COL11A2: variants seen among roughly 807,000 people sequenced by gnomAD.
The protein encoded by COL11A2 is collagen type XI alpha 2 chain.
Under a neutral mutation model 273.4 loss-of-function variants are expected in COL11A2, and 116 were observed. That is an observed-to-expected ratio of 0.42 (90% CI 0.36 to 0.49). The LOEUF is 0.49. Ranked by LOEUF, COL11A2 falls within the 20% of genes least tolerant of loss-of-function variation. The probability of loss-of-function intolerance (pLI) is 0.00; values close to 1 mark genes in which losing one functional copy is unlikely to be tolerated. For missense variants in COL11A2, 1,866 were observed against 2,309.0 expected (o/e 0.81, Z 3.93); for synonymous variants, 782 against 864.2 (o/e 0.90, Z 1.67).
chr6:33,168,640 C>T lies in COL11A2; in HGVS notation c.3906+66G>A, dbSNP rs1354450355. The T allele has an allele frequency of 1.0e-5, 16 of 1,600,862 alleles. No individual in the cohort carries two copies. The East Asian group carries it at 3.6e-4, about 36-fold the overall frequency. On this transcript the variant is annotated intron_variant, in intron 53 of 65. Transcript: ENST00000341947. ...GCCAAGGGACCCCTCAGGAGTGGGG[C>T]ACAGAAGAGGGGTAAAGAGGATGAG...
Position 33,164,336 on chromosome 6 carries a change from A to C in COL11A2, c.5001T>G (p.Arg1667=), listed in dbSNP as rs374731658. ...GAARDGPLRL[R]GANEDELSPE... ...GGCTCAGCTCATCCTCATTGGCCCC[A>C]CGGAGTCTCAGGGGACCGTCACGGG... The change falls in exon 65 of 66, where the codon CGT becomes CGG. Residue 1667 remains arginine, a synonymous_variant. Coordinates refer to ENST00000341947, the MANE Select transcript of COL11A2 (RefSeq NM_080680.3). The surrounding 1 kb of genome is among the most constrained non-coding windows in gnomAD (Gnocchi z 4.7). 6.2e-6 allele frequency: 10 copies of C among 1,612,858 alleles called. No homozygotes were observed. In the South Asian group the frequency reaches 8.8e-5, roughly 14 times the overall value.
rs201756917 is a variant in COL11A2 at position 33,173,481 on chromosome 6, C to T, written c.2682+21G>A. 10 of 1,611,964 alleles carry T rather than the reference C, an allele frequency of 6.2e-6. No individual in the cohort carries two copies. Among genetic ancestry groups the T allele is most frequent in the Middle Eastern group, 1.7e-4 (1 of 6,056 alleles). ...AAGGACTCAGAGAAGCGAGGTGGGT[C>T]AGAGCTCGGGGTCAACTTACCGGGG... On this transcript the variant is annotated intron_variant, in intron 36 of 65. Coordinates refer to ENST00000341947, the MANE Select transcript of COL11A2 (RefSeq NM_080680.3). This position sits in a 1 kb window ranked among gnomAD's most constrained non-coding sequence, Gnocchi z 6.3.
At chr6:33,175,769 A>G in intron 29 of COL11A2, 88 bp from the exon 30 acceptor site, 2 of 1,315,574 alleles carry the variant, frequency 1.5e-6, no homozygotes, top group Non-Finnish European at 2.2e-6. Flanking sequence ...GAGGCTGAGG[A>G]GGGCTAGAGG....
Position 33,186,811 on chromosome 6 carries a change from A to T in COL11A2, c.614T>A (p.Val205Asp). Residue 205 changes from valine (V) to aspartate (D), a missense_variant, in exon 5 of 66, where the codon GTC becomes GAC. Physicochemically the swap from Val to Asp is radical, Grantham distance 152. Coordinates refer to ENST00000341947, the MANE Select transcript of COL11A2 (RefSeq NM_080680.3). Reference protein sequence around the residue: ...ILDEEVFEGDVQELAIVPGVQ... With the variant: ...ILDEEVFEGDDQELAIVPGVQ... The stretch of plus-strand genomic sequence containing the variant: ...CCCTGGGACAATGGCCAGCTCCTGG[A>T]CATCACCCTGCAAAGACATGAGAGA... 1 of 1,614,006 alleles carries T rather than the reference A, an allele frequency of 6.2e-7. No individual in the cohort carries two copies. The highest frequency in any genetic ancestry group is 8.5e-7 in the Non-Finnish European group (1 of 1,180,004).
At position 33,171,128 on chromosome 6, in the gene COL11A2, G is replaced by T. The variant is rs369849667; in HGVS notation, c.3352C>A (p.Gln1118Lys). 10 of 1,588,470 alleles carry T rather than the reference G, an allele frequency of 6.3e-6. No individual in the cohort carries two copies. In the African/African-American group the frequency reaches 1.2e-4, roughly 19 times the overall value. The change falls in exon 45 of 66, where the codon CAG (glutamine) becomes AAG (lysine). Residue 1118 changes from glutamine (Q) to lysine (K), a missense_variant. Coordinates refer to ENST00000341947, the MANE Select transcript of COL11A2 (RefSeq NM_080680.3). ...GPPGPIGPVG[Q>K]PGAAGADGEP... ...GGGTCACTCACCGCTGCTCCAGGCT[G>T]CCCCACAGGACCAATGGGTCCAGGG...
In COL11A2 at chr6:33,176,674, G is replaced by A; in HGVS notation, c.2115+47C>T. The A allele has an allele frequency of 6.4e-7, 1 of 1,571,986 alleles. No individual in the cohort carries two copies. Among genetic ancestry groups the A allele is most frequent in the East Asian group, 2.2e-5 (1 of 44,538 alleles). ...ATCCCAAGGACTTTGAGGCTCTAGA[G>A]TCTGAGTGGAGACTCCCTCAGGGGA... is the stretch of plus-strand genomic sequence containing the variant. On this transcript the variant is annotated intron_variant, in intron 26 of 65. Coordinates refer to ENST00000341947, the MANE Select transcript of COL11A2 (RefSeq NM_080680.3). The surrounding 1 kb of genome is among the most constrained non-coding windows in gnomAD (Gnocchi z 4.9).
Position 33,179,478 on chromosome 6 carries a change from G to A in COL11A2, c.1456C>T (p.Arg486Cys), listed in dbSNP as rs1353213633. ...TATCCCATGGGGCCAGGGGGTCCACGGAGCGCCAGCTAGGGGAGCAGGGGG... is the reference window on the plus strand; with the variant it reads ...TATCCCATGGGGCCAGGGGGTCCACAGAGCGCCAGCTAGGGGAGCAGGGGG... ...AILQQARLAL[R>C]GPPGPMGYTG... The change falls in exon 14 of 66, where the codon CGT becomes TGT. Residue 486 changes from arginine (R) to cysteine (C), a missense_variant. Arg to Cys is a radical substitution (Grantham distance 180, BLOSUM62 -3). Coordinates refer to ENST00000341947, the MANE Select transcript of COL11A2 (RefSeq NM_080680.3). The surrounding 1 kb of genome is among the most constrained non-coding windows in gnomAD (Gnocchi z 6.4). 3.8e-6 allele frequency: 6 copies of A among 1,563,624 alleles called. No individual in the cohort carries two copies. Among genetic ancestry groups the A allele is most frequent in the Middle Eastern group, 1.7e-4 (1 of 6,006 alleles).
chr6:33,168,902 C>CT lies in COL11A2; in HGVS notation c.3852+52_3852+53insA, dbSNP rs1379982006. On this transcript the variant is annotated intron_variant, in intron 52 of 65. Transcript: ENST00000341947. Reference sequence around the variant, plus strand: ...AGCCCAGCGGCCACACAGAGGACCCCCCCATAGAAGCCCCACCCTTTTTGC... The same window carrying CT: ...AGCCCAGCGGCCACACAGAGGACCCCTCCCATAGAAGCCCCACCCTTTTTGC... The CT allele has an allele frequency of 2.1e-5, 34 of 1,600,954 alleles. 2 individuals carry two copies. The highest frequency in any genetic ancestry group is 3.3e-4 in the Middle Eastern group (2 of 6,048).
In COL11A2 at chr6:33,165,526, T is replaced by G; in HGVS notation, c.4750+23A>C. 1 of 1,610,268 alleles carries G rather than the reference T, an allele frequency of 6.2e-7. No homozygotes were observed. The highest frequency in any genetic ancestry group is 1.1e-5 in the South Asian group (1 of 91,042). On this transcript the variant is annotated intron_variant, in intron 63 of 65. Coordinates refer to ENST00000341947, the MANE Select transcript of COL11A2 (RefSeq NM_080680.3). The surrounding 1 kb of genome is among the most constrained non-coding windows in gnomAD (Gnocchi z 7.7). ...ACCCATGCTGTTGGGGAGATGTTTG[T>G]GCACCCTGAGGCTAGCACTGACCAT...
Position 33,181,016 on chromosome 6 carries a change from AAAGGTTAAAAATCAGAGGCG to A in COL11A2, c.1180-31_1180-12del, listed in dbSNP as rs1771661852. ...CTCCACGAGCATACCCTGTGGAGTC[AAAGGTTAAAAATCAGAGGCG>A]ACAGGACCAGCACACTCAACCCCAC... On this transcript the variant is annotated splice_polypyrimidine_tract_variant and intron_variant, in intron 9 of 65. Coordinates refer to ENST00000341947, the MANE Select transcript of COL11A2 (RefSeq NM_080680.3). 8.1e-6 allele frequency: 13 copies of A among 1,614,178 alleles called. 1 individual carries two copies. The South Asian group carries it at 1.3e-4, about 16-fold the overall frequency.
chr6:33,185,599 GC>G, intron 6 of COL11A2, 101 bp downstream of exon 6: 1 of 530,662 alleles, frequency 1.9e-6, no homozygotes, highest in South Asian at 1.4e-5. Flanking sequence ...AACACACTGT[GC>G]CTCTCCCCAC....
chr6:33,173,824 T>C lies in COL11A2; in HGVS notation c.2583+49A>G, dbSNP rs750215025. The C allele has an allele frequency of 6.2e-7, 1 of 1,612,084 alleles. No individual in the cohort carries two copies. The highest frequency in any genetic ancestry group is 8.5e-7 in the Non-Finnish European group (1 of 1,178,470). On this transcript the variant is annotated intron_variant, in intron 34 of 65. Coordinates refer to ENST00000341947, the MANE Select transcript of COL11A2 (RefSeq NM_080680.3). This position sits in a 1 kb window ranked among gnomAD's most constrained non-coding sequence, Gnocchi z 6.3. ...CGAGGTCAGGATGTTGAGGGAGAGC[T>C]GGGGCTGAGTGGGCAGGGGGCAGTT...
rs1243013147 is a variant in COL11A2 at position 33,176,687 on chromosome 6, C to A, written c.2115+34G>T. 5.0e-6 allele frequency: 8 copies of A among 1,600,388 alleles called. No individual in the cohort carries two copies. Among genetic ancestry groups the A allele is most frequent in the Non-Finnish European group, 6.8e-6 (8 of 1,169,406 alleles). ...TGAGGCTCTAGAGTCTGAGTGGAGA[C>A]TCCCTCAGGGGATAAAGACATGGAA... On this transcript the variant is annotated intron_variant, in intron 26 of 65. Transcript: ENST00000341947. This position sits in a 1 kb window ranked among gnomAD's most constrained non-coding sequence, Gnocchi z 4.9.
Position 33,181,135 on chromosome 6 carries a change from T to C in COL11A2, c.1155A>G (p.Lys385=), listed in dbSNP as rs1418179235. 1 of 1,614,110 alleles carries C rather than the reference T, an allele frequency of 6.2e-7. No homozygotes were observed. ...CAGGTTCCAACACTGCAGGCTCTCCTTTCTCTCCCTTCAGCCCTCGGGGTC... is the reference window on the plus strand; with the variant it reads ...CAGGTTCCAACACTGCAGGCTCTCCCTTCTCTCCCTTCAGCCCTCGGGGTC... The part of the protein sequence containing the change: ...AHGPRGLKGE[K]GEPAVLEPGM... Residue 385 remains lysine, a synonymous_variant, in exon 9 of 66, where the codon AAA becomes AAG. Coordinates refer to ENST00000341947, the MANE Select transcript of COL11A2 (RefSeq NM_080680.3).
rs369790491 is a variant in COL11A2, at chr6:33,184,291, C to A, written c.973G>T (p.Asp325Tyr). 133 of 1,367,406 alleles carry A rather than the reference C, an allele frequency of 9.7e-5. No homozygotes were observed. Among genetic ancestry groups the A allele is most frequent in the Non-Finnish European group, 1.2e-4 (125 of 1,021,946 alleles). 84.7% of individuals were successfully genotyped at this position (1,367,406 alleles called of 1,614,324 possible). The change falls in exon 8 of 66, where the codon GAC (aspartate) becomes TAC (tyrosine). Residue 325 changes from aspartate to tyrosine, a missense_variant. Asp to Tyr is a radical substitution (Grantham distance 160, BLOSUM62 -3). Coordinates refer to ENST00000341947, the MANE Select transcript of COL11A2 (RefSeq NM_080680.3). ...QTDLQVPPTADRFQAEEYGEG... is the reference protein window; with the variant it reads ...QTDLQVPPTAYRFQAEEYGEG... ...CCATATTCCTCTGCCTGGAACCTGT[C>A]GGCTGTGGGGGGGACCTGGAGATCT...
Position 33,175,614 on chromosome 6 carries a change from G to T in COL11A2, c.2336C>A (p.Pro779Gln). The change falls in exon 30 of 66, where the codon CCG becomes CAG. Residue 779 changes from proline to glutamine, a missense_variant. Transcript: ENST00000341947. ...GPEGPKGRTG[P>Q]TGDPGPPGLM... ...CCCTGGGGGCCCAGGGTCTCCAGTC[G>T]GTCCAGTGCGTCCCTTTGGCCCCTC... is the stretch of plus-strand genomic sequence containing the variant. 6.2e-7 allele frequency: 1 copy of T among 1,612,892 alleles called. No homozygotes were observed. The highest frequency in any genetic ancestry group is 8.5e-7 in the Non-Finnish European group (1 of 1,180,004).
intron 38 of COL11A2, 93 bp from the exon 39 acceptor site, chr6:33,172,730 A>T: frequency 1.8e-6 from 2 of 1,096,576 alleles, no homozygotes; most frequent in Non-Finnish European, 2.7e-6. Context: ...ACACTCCTTC[A>T]GAACCCCTTT....
In COL11A2 at chr6:33,172,656, A is replaced by C; in HGVS notation, c.2791-19T>G. On this transcript the variant is annotated intron_variant, in intron 38 of 65. Coordinates refer to ENST00000341947, the MANE Select transcript of COL11A2 (RefSeq NM_080680.3). ...CTGCTCCCTAGACAAAAGCAGAGAG[A>C]GTTCCTGCTCTCAGGCCCTTCATCT... 1.3e-6 allele frequency: 2 copies of C among 1,595,630 alleles called. No homozygotes were observed. The highest frequency in any genetic ancestry group is 1.7e-6 in the Non-Finnish European group (2 of 1,166,064).
At chr6:33,192,076 C>T in intron 1 of COL11A2, 83 bp downstream of exon 1, 10 of 1,304,966 alleles carry the variant, frequency 7.7e-6, no homozygotes, top group Non-Finnish European at 9.8e-6. Context: ...AAGCTGCTGC[C>T]CCAGGCATCA....
Sources: allele counts gnomAD v4.1 joint callset, GRCh38; gene constraint gnomAD v4.1.1; non-coding constraint Gnocchi (gnomAD v3.1); transcripts MANE v1.5; gene names NCBI Gene and HGNC (gene_info 2026-07-23, HGNC 2026-07-21).